The following PHLPP1 variants were observed in gnomAD, a reference collection of about 807,000 sequenced individuals.
The protein encoded by PHLPP1 is PH domain and leucine rich repeat protein phosphatase 1.
PHLPP1 carries 42 observed loss-of-function variants against 117.2 expected under a neutral mutation model. That is an observed-to-expected ratio of 0.36 (90% CI 0.28 to 0.46). The LOEUF (loss-of-function observed/expected upper bound fraction) is 0.46. PHLPP1 is among the 20% of genes least tolerant of loss of function. The pLI, the probability that PHLPP1 is intolerant of heterozygous loss-of-function variation, is 1.00. For missense variants in PHLPP1, 2,084 were observed against 2,241.9 expected (o/e 0.93, Z 1.42); for synonymous variants, 1,042 against 970.7 (o/e 1.07, Z -1.37).
At chr18:62,769,321 G>C (rs1191560287) in intron 1 of PHLPP1, among the ~76,000 whole-genome samples, 1 of 152,172 alleles carries the variant, frequency 6.6e-6, no homozygotes, top group Non-Finnish European at 1.5e-5. Flanking sequence ...TGTAATCCCT[G>C]GTTTCTGCCA....
chr18:62,835,407 T>G (rs978641246), intron 2 of PHLPP1, among the ~76,000 whole-genome samples: 1 of 152,068 alleles, frequency 6.6e-6, no homozygotes, highest in African/African-American at 2.4e-5. Flanking sequence ...TTTCATCATG[T>G]TGACCAGGCT....
intron 12 of PHLPP1, among the ~76,000 whole-genome samples, chr18:62,945,927 A>G (rs1599135452): frequency 6.6e-6 from 1 of 152,250 alleles, no homozygotes. Flanking sequence ...GATTCATGGG[A>G]TGAAACCAGT....
rs565651055 is a variant in PHLPP1 at position 62,756,042 on chromosome 18, T to C, written c.1576+38783T>C. Among the ~76,000 whole-genome samples the C allele has an allele frequency of 1.6e-4, 24 of 151,042 alleles. No homozygotes were observed. The South Asian group carries it at 5.1e-3, about 32-fold the overall frequency. On this transcript the variant is annotated intron_variant, in intron 1 of 16. Coordinates refer to ENST00000262719, the MANE Select transcript of PHLPP1 (RefSeq NM_194449.4). Reference sequence around the variant, plus strand: ...CAGATTAATGATTTTTTTCTTTCTTTGACTCATTCATTTTTTTTTTTAATA... The same window carrying C: ...CAGATTAATGATTTTTTTCTTTCTTCGACTCATTCATTTTTTTTTTTAATA...
chr18:62,942,865 G>C (rs761690571), intron 11 of PHLPP1, among the ~76,000 whole-genome samples: 1 of 152,114 alleles, frequency 6.6e-6, no homozygotes, highest in Admixed American at 6.5e-5. Context: ...AGGAAGGCCC[G>C]TGTATATGTT....
At chr18:62,852,742 T>C (rs919482680) in intron 3 of PHLPP1, among the ~76,000 whole-genome samples, 47 of 152,208 alleles carry the variant, frequency 3.1e-4, no homozygotes, top group African/African-American at 1.0e-3. Flanking sequence ...ATTTTGAGCA[T>C]GCCATGCACA....
At chr18:62,863,000 A>T (rs1417789120) in intron 4 of PHLPP1, among the ~76,000 whole-genome samples, 8 of 151,518 alleles carry the variant, frequency 5.3e-5, no homozygotes, top group Admixed American at 5.3e-4. Context: ...GCAATTCCTG[A>T]TTGTCCCCTG....
intron 3 of PHLPP1, among the ~76,000 whole-genome samples, chr18:62,841,444 C>T (rs991006092): frequency 3.3e-5 from 5 of 151,388 alleles, no homozygotes; most frequent in Non-Finnish European, 7.4e-5. Flanking sequence ...GCAATTCTCC[C>T]ATCTCAGCCT....
chr18:62,880,961 T>C (rs1001473858), intron 4 of PHLPP1, among the ~76,000 whole-genome samples: 2 of 152,248 alleles, frequency 1.3e-5, no homozygotes, highest in Admixed American at 1.3e-4. Context: ...GTGCCTTATT[T>C]GTTATTGTAT....
At chr18:62,913,979 C>T (rs1322544909) in intron 8 of PHLPP1, among the ~76,000 whole-genome samples, 1 of 152,042 alleles carries the variant, frequency 6.6e-6, no homozygotes, top group Non-Finnish European at 1.5e-5. Context: ...CTCCTGACCT[C>T]CGGTGATCTG....
chr18:62,972,801 CA>C, intron 15 of PHLPP1, 93 bp downstream of exon 15: 1 of 941,568 alleles, frequency 1.1e-6, no homozygotes, highest in Non-Finnish European at 1.6e-6. Context: ...CAATGGTCTC[CA>C]AGCCATGTTT....
At chr18:62,977,358 A>T (rs1911218131) in intron 16 of PHLPP1, among the ~76,000 whole-genome samples, 1 of 144,982 alleles carries the variant, frequency 6.9e-6, no homozygotes, top group Non-Finnish European at 1.5e-5. Context: ...AAACTAGGGC[A>T]TGTAGAGGTA....
chr18:62,747,737 T>G (rs900335098), intron 1 of PHLPP1, among the ~76,000 whole-genome samples: 10 of 151,878 alleles, frequency 6.6e-5, no homozygotes, highest in Admixed American at 2.0e-4. Context: ...CTAAGCTGGT[T>G]TTGAACTCCT....
Position 62,979,087 on chromosome 18 carries a change from C to G in PHLPP1, c.4810C>G (p.Pro1604Ala). ...TGTCATCAGCGCCAACGAGGATGAG[C>G]CAGGTCTGCCCAGGAAGGCAGACTT... The part of the protein sequence containing the change: ...GIVISANEDE[P>A]GLPRKADFSA... The change falls in exon 17 of 17, where the codon CCA becomes GCA. Residue 1604 changes from proline (P) to alanine (A), a missense_variant. Pro to Ala is a conservative substitution (Grantham distance 27, BLOSUM62 -1). Transcript: ENST00000262719. 6.2e-7 allele frequency: 1 copy of G among 1,613,828 alleles called. No individual in the cohort carries two copies. Among genetic ancestry groups the G allele is most frequent in the Non-Finnish European group, 8.5e-7 (1 of 1,179,814 alleles).
chr18:62,914,537 A>G (rs138470831), intron 8 of PHLPP1, among the ~76,000 whole-genome samples: 4 of 152,302 alleles, frequency 2.6e-5, no homozygotes, highest in African/African-American at 9.6e-5. Flanking sequence ...CCTCTACTCC[A>G]GCAGTCCTCC....
intron 3 of PHLPP1, among the ~76,000 whole-genome samples, chr18:62,849,099 A>T (rs1915255635): frequency 6.6e-6 from 1 of 152,184 alleles, no homozygotes; most frequent in African/African-American, 2.4e-5. Flanking sequence ...AAGACACTTG[A>T]GCATAGTCAC....
intron 10 of PHLPP1, among the ~76,000 whole-genome samples, chr18:62,925,985 A>G (rs1325189048): frequency 6.6e-5 from 10 of 152,232 alleles, no homozygotes; most frequent in Non-Finnish European, 1.5e-4. Flanking sequence ...TTTTTATAAA[A>G]GAAGGATTTT....
chr18:62,820,423 T>C, intron 1 of PHLPP1, among the ~76,000 whole-genome samples: 1 of 152,264 alleles, frequency 6.6e-6, no homozygotes, highest in Non-Finnish European at 1.5e-5. Flanking sequence ...TTGATATGGT[T>C]AGGCTTTGTG....
chr18:62,799,992 A>G (rs1913730546), intron 1 of PHLPP1, among the ~76,000 whole-genome samples: 1 of 152,122 alleles, frequency 6.6e-6, no homozygotes, highest in Non-Finnish European at 1.5e-5. Flanking sequence ...ACTGCTGGAG[A>G]TGTTATTAAC....
At chr18:62,847,053 C>T (rs1376018800) in intron 3 of PHLPP1, among the ~76,000 whole-genome samples, 1 of 152,118 alleles carries the variant, frequency 6.6e-6, no homozygotes, top group East Asian at 1.9e-4. Context: ...GTTTTATAAT[C>T]CAGTTTTAAA....
Sources: gnomAD v4.1 joint callset for allele counts (sites outside exome capture counted in the v4.1 genomes callset) on GRCh38, gnomAD v4.1.1 for gene constraint, MANE v1.5 for transcripts, NCBI Gene and HGNC (gene_info 2026-07-23, HGNC 2026-07-21) for gene names.